The following CDH20 variants were observed in gnomAD, a reference collection of about 807,000 sequenced individuals.
The protein encoded by CDH20 is cadherin-20.
CDH20 carries 29 observed loss-of-function variants against 74.2 expected under a neutral mutation model. That is an observed-to-expected ratio of 0.39 (90% CI 0.29 to 0.53). The LOEUF (loss-of-function observed/expected upper bound fraction) is 0.53. CDH20 is among the 20% of genes least tolerant of loss of function. The pLI is 0.69. For synonymous variants in CDH20, 469 were observed against 405.4 expected (o/e 1.16, Z -1.88); for missense variants, 988 against 1,048.3 (o/e 0.94, Z 0.79).
intron 8 of CDH20, among the ~76,000 whole-genome samples, chr18:61,537,135 T>C (rs1912842537): frequency 6.6e-6 from 1 of 152,034 alleles, no homozygotes; most frequent in Non-Finnish European, 1.5e-5. Context: ...ATATATATTA[T>C]AAACATAATA....
chr18:61,336,828 GA>G (rs1909778949), intron 1 of CDH20, among the ~76,000 whole-genome samples: 1 of 145,846 alleles, frequency 6.9e-6, no homozygotes, highest in Non-Finnish European at 1.5e-5. Context: ...GGGGGGGGGT[GA>G]TGAGAATAGG....
intron 1 of CDH20, among the ~76,000 whole-genome samples, chr18:61,348,808 G>T (rs750088387): frequency 6.6e-6 from 1 of 152,142 alleles, no homozygotes; most frequent in Non-Finnish European, 1.5e-5. Flanking sequence ...AGGCAAGATT[G>T]TGTGAAAAAG....
intron 1 of CDH20, among the ~76,000 whole-genome samples, chr18:61,430,199 G>GGATTACACAGTATCTA (rs1913210476): frequency 6.6e-6 from 1 of 151,850 alleles, no homozygotes; most frequent in African/African-American, 2.4e-5. Context: ...CACAGTATCT[G>GGATTACACAGTATCTA]GATTACACAG....
At chr18:61,516,834 T>A (rs957993780) in intron 6 of CDH20, among the ~76,000 whole-genome samples, 4 of 152,078 alleles carry the variant, frequency 2.6e-5, no homozygotes. Context: ...CTGGGCAACA[T>A]AAGCAAGAGT....
intron 1 of CDH20, among the ~76,000 whole-genome samples, chr18:61,361,942 C>T (rs553805698): frequency 3.7e-4 from 57 of 152,194 alleles, no homozygotes; most frequent in Non-Finnish European, 6.2e-4. Context: ...TTGTGCAGTG[C>T]TTTATGTTTT....
At chr18:61,453,186 T>C (rs1264610576) in intron 1 of CDH20, among the ~76,000 whole-genome samples, 1 of 152,200 alleles carries the variant, frequency 6.6e-6, no homozygotes, top group African/African-American at 2.4e-5. Context: ...TCCTTAATCC[T>C]TGGCAACTAT....
chr18:61,522,263 T>C (rs1479393595), intron 6 of CDH20, among the ~76,000 whole-genome samples: 1 of 152,006 alleles, frequency 6.6e-6, no homozygotes, highest in Non-Finnish European at 1.5e-5. Context: ...CAAGAATTCC[T>C]ATACACCAAT....
intron 1 of CDH20, among the ~76,000 whole-genome samples, chr18:61,354,486 G>A (rs554205268): frequency 6.6e-6 from 1 of 152,254 alleles, no homozygotes; most frequent in Non-Finnish European, 1.5e-5. Context: ...ATAGGCACCT[G>A]CAAGCCCAAC....
chr18:61,440,413 A>C (rs1434155977), intron 1 of CDH20, among the ~76,000 whole-genome samples: 2 of 152,188 alleles, frequency 1.3e-5, no homozygotes, highest in Non-Finnish European at 2.9e-5. Flanking sequence ...AGTAAAAACT[A>C]CTACTTAGGA....
chr18:61,495,507 G>A (rs906574241), intron 2 of CDH20, among the ~76,000 whole-genome samples: 21 of 152,276 alleles, frequency 1.4e-4, no homozygotes, highest in Admixed American at 2.6e-4. Flanking sequence ...GGTACTAGAG[G>A]GAGCCCAGGA....
intron 1 of CDH20, among the ~76,000 whole-genome samples, chr18:61,445,594 G>A (rs1909172829): frequency 6.6e-6 from 1 of 152,090 alleles, no homozygotes; most frequent in African/African-American, 2.4e-5. Flanking sequence ...TCACATAAGT[G>A]GTCAAAGATT....
intron 1 of CDH20, among the ~76,000 whole-genome samples, chr18:61,445,356 G>C (rs368507445): frequency 6.6e-6 from 1 of 152,030 alleles, no homozygotes; most frequent in South Asian, 2.1e-4. Context: ...CTAAGCCACA[G>C]AGTTGTTAGC....
At chr18:61,343,139 G>A (rs1468272477) in intron 1 of CDH20, among the ~76,000 whole-genome samples, 1 of 152,088 alleles carries the variant, frequency 6.6e-6, no homozygotes, top group Admixed American at 6.5e-5. Context: ...ATCTTACCTG[G>A]CACATAATCA....
At chr18:61,452,011 T>C (rs1394458793) in intron 1 of CDH20, among the ~76,000 whole-genome samples, 2 of 152,208 alleles carry the variant, frequency 1.3e-5, no homozygotes, top group Admixed American at 6.5e-5. Flanking sequence ...TCAATCATTA[T>C]AGCTTTAAAA....
chr18:61,539,259 A>T (rs2144393543), intron 9 of CDH20, 114 bp downstream of exon 9: 3 of 1,008,362 alleles, frequency 3.0e-6, no homozygotes, highest in Non-Finnish European at 4.5e-6. Flanking sequence ...AACAGTTCAC[A>T]AAACAGAGTC....
chr18:61,529,994 G>T (rs569155456), intron 7 of CDH20, among the ~76,000 whole-genome samples: 1 of 152,152 alleles, frequency 6.6e-6, no homozygotes, highest in Non-Finnish European at 1.5e-5. Flanking sequence ...GGGTCCACTG[G>T]GCTGTTCTGG....
intron 1 of CDH20, among the ~76,000 whole-genome samples, chr18:61,477,133 A>G (rs1016510901): frequency 5.3e-5 from 8 of 152,182 alleles, no homozygotes; most frequent in African/African-American, 1.7e-4. Flanking sequence ...TTTTATTACT[A>G]TGATATAATT....
chr18:61,398,625 T>G (rs1912063077), intron 1 of CDH20, among the ~76,000 whole-genome samples: 1 of 152,172 alleles, frequency 6.6e-6, no homozygotes, highest in African/African-American at 2.4e-5. Flanking sequence ...TATTATGAAT[T>G]TAAGATGGTC....
At position 61,554,411 on chromosome 18, in the gene CDH20, C is replaced by G. The variant is rs891145175; in HGVS notation, c.2122C>G (p.Leu708Val). ...GGACATGCTGCCCGAGATCGAGAGCCTCTCCCGCTACGTGCCTCAGACGTG... is the reference window on the plus strand; with the variant it reads ...GGACATGCTGCCCGAGATCGAGAGCGTCTCCCGCTACGTGCCTCAGACGTG... ...RQDMLPEIES[L>V]SRYVPQTCAV... The change falls in exon 12 of 12, where the codon CTC (leucine) becomes GTC (valine). Residue 708 changes from leucine to valine, a missense_variant. Physicochemically the swap from Leu to Val is conservative, Grantham distance 32. This residue lies in a region of CDH20 where 375 missense variants were observed against 293.1 expected (regional missense o/e 1.28). Coordinates refer to ENST00000262717, the MANE Select transcript of CDH20 (RefSeq NM_031891.4). 1 of 1,613,050 alleles carries G rather than the reference C, an allele frequency of 6.2e-7. No individual in the cohort carries two copies.
Sources: allele counts gnomAD v4.1 joint callset (sites outside exome capture counted in the v4.1 genomes callset), GRCh38; gene constraint gnomAD v4.1.1; regional missense constraint gnomAD v4.1.1; transcripts MANE v1.5; gene names NCBI Gene and HGNC (gene_info 2026-07-23, HGNC 2026-07-21).